DNAJB6: variants seen among roughly 807,000 people sequenced by gnomAD.
The protein encoded by DNAJB6 is DnaJ heat shock protein family (Hsp40) member B6.
DNAJB6 carries 16 observed loss-of-function variants against 42.7 expected under a neutral mutation model. The ratio of observed to expected loss-of-function variants is 0.37; its 90% CI spans 0.25 to 0.57. The LOEUF (loss-of-function observed/expected upper bound fraction) is 0.57. Among genes scored for constraint, DNAJB6 ranks in the 20% least tolerant of loss-of-function variants. The probability of loss-of-function intolerance (pLI) is 0.74; values close to 1 mark genes in which losing one functional copy is unlikely to be tolerated. For synonymous variants in DNAJB6, 170 were observed against 163.5 expected, an observed-to-expected ratio of 1.04 and a Z score of -0.30; for missense variants, 347 against 416.8, an observed-to-expected ratio of 0.83 and a Z score of 1.46.
At chr7:157,349,553 G>A (rs1258418294) in intron 1 of DNAJB6, among the ~76,000 whole-genome samples, 1 of 152,074 alleles carries the variant, frequency 6.6e-6, no homozygotes, top group Non-Finnish European at 1.5e-5. Flanking sequence ...TAAAATCACG[G>A]CTCACTGCAG....
At chr7:157,400,225 C>T (rs1459532003) in intron 8 of DNAJB6, among the ~76,000 whole-genome samples, 3 of 150,036 alleles carry the variant, frequency 2.0e-5, no homozygotes, top group East Asian at 2.0e-4. Flanking sequence ...TGCCTGGGTC[C>T]CCGCGCCTTT....
rs918667243 is a variant in DNAJB6, at chr7:157,416,979, G to T, written c.*881G>T. The T allele has an allele frequency of 6.6e-6, 1 of 152,182 alleles. No individual in the cohort carries two copies. The highest frequency in any genetic ancestry group is 2.1e-4 in the South Asian group (1 of 4,828). 9.4% of individuals were successfully genotyped at this position (152,182 alleles called of 1,614,324 possible). A position where few individuals can be genotyped will look rare whatever the true frequency, so the allele number is the denominator to read the frequency against. On this transcript the variant is annotated 3_prime_UTR_variant, in exon 10 of 10. Coordinates refer to ENST00000262177, the MANE Select transcript of DNAJB6 (RefSeq NM_058246.4). The stretch of plus-strand genomic sequence containing the variant: ...CCCACTTCCGGTCATTATTTCGTTT[G>T]CATGATGTATTGCTTCTTCACGTTT...
intron 4 of DNAJB6, among the ~76,000 whole-genome samples, chr7:157,367,122 C>T (rs913845980): frequency 6.6e-6 from 1 of 152,202 alleles, no homozygotes; most frequent in African/African-American, 2.4e-5. Context: ...ATGTTATATG[C>T]CGATCACGGA....
At chr7:157,354,311 C>T (rs569597605) in intron 1 of DNAJB6, among the ~76,000 whole-genome samples, 3 of 152,144 alleles carry the variant, frequency 2.0e-5, no homozygotes, top group Non-Finnish European at 2.9e-5. Context: ...CCACGCCCGG[C>T]TAATTTTGTA....
chr7:157,361,226 T>G (rs1361769702), intron 2 of DNAJB6, among the ~76,000 whole-genome samples: 1 of 151,778 alleles, frequency 6.6e-6, no homozygotes, highest in East Asian at 1.9e-4. Flanking sequence ...TGGCGTGATC[T>G]CGGCTCACTG....
At chr7:157,344,455 G>C (rs1798580295) in intron 1 of DNAJB6, among the ~76,000 whole-genome samples, 1 of 151,858 alleles carries the variant, frequency 6.6e-6, no homozygotes, top group Non-Finnish European at 1.5e-5. Context: ...GGAGGTTGCA[G>C]TGAGCTGAGA....
chr7:157,414,774 C>G (rs1796072133), intron 9 of DNAJB6: 1 of 152,354 alleles, frequency 6.6e-6, no homozygotes, highest in African/African-American at 2.4e-5. Flanking sequence ...CTGTCGGGGT[C>G]CAGGCAGTGC....
chr7:157,401,705 A>G (rs151113962), intron 8 of DNAJB6, among the ~76,000 whole-genome samples: 2 of 152,318 alleles, frequency 1.3e-5, no homozygotes, highest in East Asian at 3.9e-4. Flanking sequence ...AACTAAGGGG[A>G]GAGAGCTGTG....
chr7:157,355,247 C>T (rs952750228), intron 1 of DNAJB6, among the ~76,000 whole-genome samples: 3 of 152,210 alleles, frequency 2.0e-5, no homozygotes, highest in African/African-American at 7.2e-5. Context: ...GCAGGCTCCG[C>T]CTCCCGGGGT....
chr7:157,406,189 C>G (rs950113227), intron 8 of DNAJB6, among the ~76,000 whole-genome samples: 3 of 152,260 alleles, frequency 2.0e-5, no homozygotes, highest in Admixed American at 1.3e-4. Context: ...CGCTCCCTGT[C>G]CATGCCGGCA....
chr7:157,385,745 C>G (rs1371547508), intron 8 of DNAJB6, 134 bp downstream of exon 8: 1 of 1,493,258 alleles, frequency 6.7e-7, no homozygotes, highest in Non-Finnish European at 9.0e-7. Flanking sequence ...ACTCGACTTT[C>G]AGTATAATTG....
intron 8 of DNAJB6, among the ~76,000 whole-genome samples, chr7:157,406,996 G>T (rs1795794495): frequency 6.6e-6 from 1 of 152,224 alleles, no homozygotes; most frequent in African/African-American, 2.4e-5. Flanking sequence ...CCAGGCGATG[G>T]CAGCCCCGGC....
chr7:157,379,039 C>T (rs1205673973), intron 5 of DNAJB6: 2 of 152,036 alleles, frequency 1.3e-5, no homozygotes, highest in Non-Finnish European at 2.9e-5. Flanking sequence ...TATATTTAAG[C>T]TACAAAATGT....
intron 3 of DNAJB6, among the ~76,000 whole-genome samples, chr7:157,363,588 G>A (rs1440169363): frequency 1.3e-5 from 2 of 152,156 alleles, no homozygotes; most frequent in Admixed American, 1.3e-4. Flanking sequence ...TGTGCATGTG[G>A]CGTGCTTGCC....
chr7:157,392,944 T>C (rs1198588193), intron 8 of DNAJB6, among the ~76,000 whole-genome samples: 1 of 152,204 alleles, frequency 6.6e-6, no homozygotes, highest in East Asian at 1.9e-4. Context: ...TTTTATCTCA[T>C]CACTTTAGTC....
intron 1 of DNAJB6, among the ~76,000 whole-genome samples, chr7:157,340,997 T>A (rs62493448): frequency 1.4e-3 from 163 of 118,396 alleles, no homozygotes; most frequent in African/African-American, 4.5e-3. Context: ...TGTGTGTGTG[T>A]GCGCGCGCGC....
At chr7:157,376,357 T>C (rs1167836768) in intron 5 of DNAJB6, among the ~76,000 whole-genome samples, 8 of 152,140 alleles carry the variant, frequency 5.3e-5, no homozygotes, top group Non-Finnish European at 7.3e-5. Context: ...AATGCATTGG[T>C]CTTAGTATTC....
chr7:157,366,621 A>G (rs753545415), intron 4 of DNAJB6, 60 bp downstream of exon 4: 33 of 1,486,178 alleles, frequency 2.2e-5, no homozygotes, highest in Non-Finnish European at 2.9e-5. Context: ...TTGAGTTTGT[A>G]AATCACGAGT....
chr7:157,366,688 C>A, intron 4 of DNAJB6, 127 bp downstream of exon 4: 1 of 813,858 alleles, frequency 1.2e-6, no homozygotes, highest in Non-Finnish European at 2.0e-6. Flanking sequence ...AGAAAGCGAA[C>A]TAAATTGGGG....
Sources: gnomAD v4.1 joint callset for allele counts (sites outside exome capture counted in the v4.1 genomes callset) on GRCh38, gnomAD v4.1.1 for gene constraint, MANE v1.5 for transcripts, NCBI Gene and HGNC (gene_info 2026-07-23, HGNC 2026-07-21) for gene names.